CCNE2: variants seen among roughly 807,000 people sequenced by gnomAD.
CCNE2 encodes the protein cyclin E2, also known as G1/S-specific cyclin-E2.
In CCNE2, 18 loss-of-function variants were observed where a neutral mutation model predicts 56.8. The observed-to-expected ratio is 0.32, with a 90% CI of 0.22 to 0.47. CCNE2 has a LOEUF of 0.47. Ranked by LOEUF, CCNE2 falls within the 20% of genes least tolerant of loss-of-function variation. The probability of loss-of-function intolerance (pLI) is 1.00; values close to 1 mark genes in which losing one functional copy is unlikely to be tolerated. For missense variants in CCNE2, 371 were observed against 467.1 expected (o/e 0.79, Z 1.90); for synonymous variants, 139 against 149.2 (o/e 0.93, Z 0.50).
chr8:94,880,789 T>C lies in CCNE2; in HGVS notation c.*843A>G, dbSNP rs1388367069. 1 of 398,312 alleles carries C rather than the reference T, an allele frequency of 2.5e-6. No individual in the cohort carries two copies. The highest frequency in any genetic ancestry group is 2.1e-5 in the African/African-American group (1 of 48,570). 24.7% of individuals were successfully genotyped at this position (398,312 alleles called of 1,614,324 possible). A position where few individuals can be genotyped will look rare whatever the true frequency, so the allele number is the denominator to read the frequency against. On this transcript the variant is annotated 3_prime_UTR_variant, in exon 12 of 12. Coordinates refer to ENST00000308108, the MANE Select transcript of CCNE2 (RefSeq NM_057749.3). ...TAAAAAAAAAAATTCCTTAGGGATA[T>C]CTTAGAGTAGTAAAGTGACTTCCTC...
Position 94,887,945 on chromosome 8 carries a change from G to T in CCNE2, c.582C>A (p.Phe194Leu), listed in dbSNP as rs1817095262. The change falls in exon 7 of 12, where the codon TTC becomes TTA. Residue 194 changes from phenylalanine (F) to leucine (L), a missense_variant. Coordinates refer to ENST00000308108, the MANE Select transcript of CCNE2 (RefSeq NM_057749.3). ...AACTTACCTCAAGTTTGGAAGCAAT[G>T]AATAATGAGGTAATTCCAATGAGTT... ...MLQLIGITSL[F>L]IASKLEEIYA... The T allele has an allele frequency of 1.3e-6, 2 of 1,580,556 alleles. No individual in the cohort carries two copies. Among genetic ancestry groups the T allele is most frequent in the Non-Finnish European group, 1.7e-6 (2 of 1,167,816 alleles).
At chr8:94,893,309 G>T (rs1817314232) in intron 4 of CCNE2, among the ~76,000 whole-genome samples, 1 of 141,224 alleles carries the variant, frequency 7.1e-6, no homozygotes, top group Non-Finnish European at 1.5e-5. Flanking sequence ...AGCAATAGTA[G>T]CAGGGACCTT....
intron 9 of CCNE2, among the ~76,000 whole-genome samples, chr8:94,883,393 T>C (rs114724830): frequency 0.012 from 1,807 of 152,254 alleles, 38 homozygotes; most frequent in African/African-American, 0.042. Context: ...AAGATAGTGA[T>C]GGCCTCAAAT....
Position 94,887,969 on chromosome 8 carries a change from T to C in CCNE2, c.558A>G (p.Gln186=). 3 of 1,598,910 alleles carry C rather than the reference T, an allele frequency of 1.9e-6. No homozygotes were observed. The highest frequency in any genetic ancestry group is 1.7e-6 in the Non-Finnish European group (2 of 1,173,532). The change falls in exon 7 of 12, where the codon CAA becomes CAG. Residue 186 remains glutamine, a synonymous_variant. Coordinates refer to ENST00000308108, the MANE Select transcript of CCNE2 (RefSeq NM_057749.3). ...TGAATAATGAGGTAATTCCAATGAG[T>C]TGAAGCATATTTTTATTTATATCCT... ...TQKDINKNML[Q]LIGITSLFIA... is the part of the protein sequence containing the mutation.
rs1180526345 is a variant in CCNE2 at position 94,880,542 on chromosome 8, A to C, written c.*1090T>G. On this transcript the variant is annotated 3_prime_UTR_variant, in exon 12 of 12. Transcript: ENST00000308108. ...TTAGAAAAGCTAATTTAAAATATTT[A>C]GAAATAGCTAGCCTATGTACAGCAA... is the stretch of plus-strand genomic sequence containing the variant. 1 of 308,512 alleles carries C rather than the reference A, an allele frequency of 3.2e-6. No individual in the cohort carries two copies. Among genetic ancestry groups the C allele is most frequent in the Non-Finnish European group, 5.8e-6 (1 of 171,954 alleles). The allele number at this position is 308,512 out of a possible 1,614,324, so 19.1% of individuals were successfully genotyped here. A position where few individuals can be genotyped will look rare whatever the true frequency, so the allele number is the denominator to read the frequency against.
upstream of CCNE2, chr8:94,896,029 C>T (rs1817521799): frequency 6.5e-6 from 1 of 152,892 alleles, no homozygotes; most frequent in Admixed American, 6.5e-5. Flanking sequence ...CCTGCAGTGG[C>T]CTCCAGCTGC....
chr8:94,885,294 C>G (rs1816993980), intron 8 of CCNE2, 93 bp from the exon 9 acceptor site: 1 of 1,222,082 alleles, frequency 8.2e-7, no homozygotes, highest in Non-Finnish European at 1.2e-6. Flanking sequence ...CATTCCCCAT[C>G]CAACCATAAC....
intron 5 of CCNE2, 66 bp downstream of exon 5, chr8:94,892,752 T>C (rs1331374806): frequency 3.6e-6 from 3 of 834,960 alleles, no homozygotes; most frequent in Non-Finnish European, 5.3e-6. Flanking sequence ...AAAGACAAAA[T>C]AGTGCCATGT....
At chr8:94,887,658 G>A (rs546915281) in intron 7 of CCNE2, among the ~76,000 whole-genome samples, 3 of 152,198 alleles carry the variant, frequency 2.0e-5, no homozygotes, top group Admixed American at 6.5e-5. Flanking sequence ...AATATGTTTC[G>A]TTTGGCAGAA....
At chr8:94,890,226 C>T (rs1274264584) in intron 6 of CCNE2, among the ~76,000 whole-genome samples, 189 bp downstream of exon 6, 1 of 152,176 alleles carries the variant, frequency 6.6e-6, no homozygotes, top group Non-Finnish European at 1.5e-5. Flanking sequence ...TATGTAGTAG[C>T]TTTGTCATGG....
intron 6 of CCNE2, among the ~76,000 whole-genome samples, chr8:94,889,920 G>A (rs549100383): frequency 6.6e-6 from 1 of 152,136 alleles, no homozygotes; most frequent in Non-Finnish European, 1.5e-5. Context: ...AAGAATAGAA[G>A]AATATAATAA....
intron 6 of CCNE2, 31 bp from the exon 7 acceptor site, chr8:94,888,104 T>C: frequency 6.9e-7 from 1 of 1,451,860 alleles, no homozygotes; most frequent in Non-Finnish European, 9.3e-7. Context: ...TTAAATATTA[T>C]CTTCTGAATT....
chr8:94,884,294 C>A (rs1816947544), intron 9 of CCNE2, among the ~76,000 whole-genome samples: 1 of 151,488 alleles, frequency 6.6e-6, no homozygotes, highest in African/African-American at 2.4e-5. Flanking sequence ...GATACAGCAG[C>A]CTTAAGATTA....
intron 5 of CCNE2, chr8:94,892,002 T>A: frequency 1.1e-6 from 1 of 874,310 alleles, no homozygotes; most frequent in Non-Finnish European, 1.9e-6. Context: ...AAATGATCTT[T>A]AGTGAAAAGG....
At chr8:94,883,408 A>G (rs1167956761) in intron 9 of CCNE2, among the ~76,000 whole-genome samples, 3 of 152,232 alleles carry the variant, frequency 2.0e-5, no homozygotes, top group African/African-American at 7.2e-5. Context: ...TCAAATTGCC[A>G]TAAATGGGTC....
At position 94,882,865 on chromosome 8, in the gene CCNE2, C is replaced by T; in HGVS notation, c.859G>A (p.Asp287Asn). 1 of 1,612,948 alleles carries T rather than the reference C, an allele frequency of 6.2e-7. No individual in the cohort carries two copies. Among genetic ancestry groups the T allele is most frequent in the Non-Finnish European group, 8.5e-7 (1 of 1,179,102 alleles). ...ATTCTGTACTGGAACTCTAATGAAT[C>T]AATGGCTAGAATACACAGATCTAAA... ...QLLDLCILAI[D>N]SLEFQYRILT... Residue 287 changes from aspartate to asparagine, a missense_variant, in exon 10 of 12, where the codon GAT (aspartate) becomes AAT (asparagine). By Grantham distance (23) the Asp-to-Asn change is conservative (BLOSUM62 1). Coordinates refer to ENST00000308108, the MANE Select transcript of CCNE2 (RefSeq NM_057749.3).
chr8:94,886,297 C>A (rs1817037597), intron 7 of CCNE2, among the ~76,000 whole-genome samples: 1 of 152,156 alleles, frequency 6.6e-6, no homozygotes, highest in African/African-American at 2.4e-5. Context: ...ATCAAGACTT[C>A]TTTTCATAGA....
chr8:94,886,252 T>C (rs4269509), intron 7 of CCNE2, among the ~76,000 whole-genome samples: 6,525 of 152,230 alleles, frequency 0.043, 248 homozygotes, highest in African/African-American at 0.1. Context: ...AAGGAAGATA[T>C]TTTCATATCT....
intron 6 of CCNE2, among the ~76,000 whole-genome samples, chr8:94,888,753 T>G (rs1218075107): frequency 6.6e-6 from 1 of 152,188 alleles, no homozygotes; most frequent in African/African-American, 2.4e-5. Context: ...CTCAAACTCC[T>G]GGCTTCAACT....
Sources: allele counts gnomAD v4.1 joint callset (sites outside exome capture counted in the v4.1 genomes callset), GRCh38; gene constraint gnomAD v4.1.1; transcripts MANE v1.5; gene names NCBI Gene and HGNC (gene_info 2026-07-23, HGNC 2026-07-21).